Variants in NGB observed in about 807,000 individuals in gnomAD.
The protein encoded by NGB is neuroglobin, also known as nitrite reductase.
NGB carries 12 observed loss-of-function variants against 17.3 expected under a neutral mutation model. The ratio of observed to expected loss-of-function variants is 0.69; its 90% CI spans 0.45 to 1.13. NGB has a LOEUF of 1.13. Among genes scored for constraint, NGB ranks in the 50% most tolerant of loss-of-function variants. The pLI is 0.00. For missense variants in NGB, 195 were observed against 191.7 expected (o/e 1.02, Z -0.10); for synonymous variants, 87 against 81.0 (o/e 1.07, Z -0.40).
rs1047740388 is a variant in NGB, at chr14:77,270,056, G to C, written c.90-730C>G. Among the ~76,000 whole-genome samples the C allele has an allele frequency of 2.2e-4, 34 of 151,916 alleles. 1 individual carries two copies. Among genetic ancestry groups the C allele is most frequent in the Admixed American group, 2.2e-3 (33 of 15,236 alleles). ...CAGAGGCCCTCCTCGGCATTTGGGAGGTCTCACCGGGTAACTGAATGTTTT... is the reference window on the plus strand; with the variant it reads ...CAGAGGCCCTCCTCGGCATTTGGGACGTCTCACCGGGTAACTGAATGTTTT... On this transcript the variant is annotated intron_variant, in intron 1 of 3. Coordinates refer to ENST00000298352, the MANE Select transcript of NGB (RefSeq NM_021257.4).
intron 3 of NGB, among the ~76,000 whole-genome samples, chr14:77,268,061 C>A (rs1333334198): frequency 1.3e-5 from 2 of 152,160 alleles, no homozygotes; most frequent in Admixed American, 1.3e-4. Context: ...GACATTCTAG[C>A]CTCAGTTGAG....
In NGB at chr14:77,266,431, G is replaced by A; in HGVS notation, c.*105C>T. ...CCATCACCTCTCCAGTGTGGCCAAG[G>A]GGACAAGGACCAAGATGCAGGGAAG... On this transcript the variant is annotated 3_prime_UTR_variant, in exon 4 of 4. Transcript: ENST00000298352. 2 of 1,490,982 alleles carry A rather than the reference G, an allele frequency of 1.3e-6. No homozygotes were observed. Among genetic ancestry groups the A allele is most frequent in the South Asian group, 2.4e-5 (2 of 83,048 alleles). The allele number at this position is 1,490,982 out of a possible 1,614,324, so 92.4% of individuals were successfully genotyped here.
chr14:77,270,861 A>G lies in NGB; in HGVS notation c.77T>C (p.Val26Ala). Residue 26 changes from valine (V) to alanine (A), a missense_variant, in exon 1 of 4, where the codon GTC becomes GCC. Physicochemically the swap from Val to Ala is moderately conservative, Grantham distance 64 (BLOSUM62 0). Transcript: ENST00000298352. Reference sequence around the variant, plus strand: ...GTGTAGCCCTCACCTGGCAAACAGGACGGTGCCGTGCTCCAGCGGGCTGCG... The same window carrying G: ...GTGTAGCCCTCACCTGGCAAACAGGGCGGTGCCGTGCTCCAGCGGGCTGCG... ...VSRSPLEHGT[V>A]LFARLFALEP... 1 of 1,585,460 alleles carries G rather than the reference A, an allele frequency of 6.3e-7. No homozygotes were observed. The highest frequency in any genetic ancestry group is 8.5e-7 in the Non-Finnish European group (1 of 1,172,142).
chr14:77,270,588 G>A (rs1382896269), intron 1 of NGB, among the ~76,000 whole-genome samples: 1 of 152,224 alleles, frequency 6.6e-6, no homozygotes, highest in African/African-American at 2.4e-5. Context: ...ATCCGCGGGA[G>A]GGGATCCCGC....
chr14:77,269,438 C>G, intron 1 of NGB, 112 bp from the exon 2 acceptor site: 1 of 659,212 alleles, frequency 1.5e-6, no homozygotes, highest in Non-Finnish European at 2.7e-6. Flanking sequence ...GTCTCAGCTG[C>G]AAACCACAGC....
intron 1 of NGB, among the ~76,000 whole-genome samples, chr14:77,270,067 G>C: frequency 6.6e-6 from 1 of 151,964 alleles, no homozygotes; most frequent in Non-Finnish European, 1.5e-5. Flanking sequence ...GTCTCACCGG[G>C]TAACTGAATG....
Position 77,271,036 on chromosome 14 carries a change from GC to G in NGB, c.-100del. 2 of 865,694 alleles carry G rather than the reference GC, an allele frequency of 2.3e-6. No homozygotes were observed. Among genetic ancestry groups the G allele is most frequent in the Non-Finnish European group, 3.3e-6 (2 of 602,508 alleles). 53.6% of individuals were successfully genotyped at this position (865,694 alleles called of 1,614,324 possible). ...TCTCCTCCGCGACGCGGTCCCCTCC[GC>G]CCCTCGTACGCCCCCCGTGCCTCCG... On this transcript the variant is annotated 5_prime_UTR_variant, in exon 1 of 4. Coordinates refer to ENST00000298352, the MANE Select transcript of NGB (RefSeq NM_021257.4).
At chr14:77,267,510 C>A (rs984269693) in intron 3 of NGB, among the ~76,000 whole-genome samples, 4 of 152,104 alleles carry the variant, frequency 2.6e-5, no homozygotes, top group Admixed American at 1.3e-4. Context: ...CACTGTACTC[C>A]AGCCTAGGCG....
At chr14:77,270,744 C>G in intron 1 of NGB, 105 bp downstream of exon 1, 1 of 1,055,910 alleles carries the variant, frequency 9.5e-7, no homozygotes, top group Non-Finnish European at 1.4e-6. Context: ...CCCAGCGCCC[C>G]GGCAGCGGCC....
intron 1 of NGB, among the ~76,000 whole-genome samples, chr14:77,269,695 T>C (rs1271516454): frequency 4.9e-3 from 6 of 1,218 alleles, no homozygotes; most frequent in African/African-American, 0.011. Context: ...TCTCTCTCTC[T>C]CTCTCTCTCT....
intron 3 of NGB, among the ~76,000 whole-genome samples, chr14:77,266,919 C>A (rs535753802): frequency 1.1e-4 from 16 of 152,336 alleles, no homozygotes; most frequent in Non-Finnish European, 1.9e-4. Context: ...TTGCAACCAC[C>A]CCATGAGTGG....
chr14:77,270,096 G>A (rs78383795), intron 1 of NGB, among the ~76,000 whole-genome samples: 2 of 152,006 alleles, frequency 1.3e-5, no homozygotes, highest in African/African-American at 2.4e-5. Context: ...TTTTGTCTTG[G>A]GGGTGGTTTT....
chr14:77,268,733 C>G, intron 2 of NGB, 148 bp from the exon 3 acceptor site: 2 of 1,085,346 alleles, frequency 1.8e-6, no homozygotes, highest in Non-Finnish European at 1.3e-6. Context: ...CAGCCTGTGT[C>G]TACTACATGT....
At chr14:77,267,361 G>A (rs1342175996) in intron 3 of NGB, among the ~76,000 whole-genome samples, 2 of 152,038 alleles carry the variant, frequency 1.3e-5, no homozygotes, top group Non-Finnish European at 2.9e-5. Flanking sequence ...GTAAACATGG[G>A]AAAACTCCAT....
chr14:77,270,867 CCGTGCTCCAG>C lies in NGB; in HGVS notation c.61_70del (p.Leu21AlafsTer45). ...CCCTCACCTGGCAAACAGGACGGTG[CCGTGCTCCAG>C]CGGGCTGCGGCTCACTGCCCGCCAG... On this transcript the variant is annotated frameshift_variant, in exon 1 of 4. Transcript: ENST00000298352. LOFTEE classifies it high-confidence loss of function. 5 of 1,585,934 alleles carry C rather than the reference CCGTGCTCCAG, an allele frequency of 3.2e-6. No individual in the cohort carries two copies. Among genetic ancestry groups the C allele is most frequent in the Non-Finnish European group, 3.4e-6 (4 of 1,172,484 alleles).
intron 1 of NGB, 116 bp from the exon 2 acceptor site, chr14:77,269,442 C>T (rs545568776): frequency 4.7e-6 from 3 of 644,510 alleles, no homozygotes; most frequent in South Asian, 1.8e-5. Context: ...CAGCTGCAAA[C>T]CACAGCTGAC....
chr14:77,270,720 C>T, intron 1 of NGB, 129 bp downstream of exon 1: 1 of 817,812 alleles, frequency 1.2e-6, no homozygotes. Flanking sequence ...CTCTGGCGCA[C>T]ATCTGGCAGG....
rs1215148221 is a variant in NGB, at chr14:77,266,720, C to T, written c.322-50G>A. 4 of 1,596,240 alleles carry T rather than the reference C, an allele frequency of 2.5e-6. No homozygotes were observed. In the African/African-American group the frequency reaches 5.4e-5, roughly 21 times the overall value. ...CACTTCCAAAGGCAGAAAGGCACTG[C>T]TCCATTCCACAGGTGAGAAAACTGA... On this transcript the variant is annotated intron_variant, in intron 3 of 3. Transcript: ENST00000298352.
rs111765077 is a variant in NGB at position 77,271,038 on chromosome 14, C to G, written c.-101G>C. ...TCCTCCGCGACGCGGTCCCCTCCGC[C>G]CCTCGTACGCCCCCCGTGCCTCCGC... On this transcript the variant is annotated 5_prime_UTR_variant, in exon 1 of 4. Coordinates refer to ENST00000298352, the MANE Select transcript of NGB (RefSeq NM_021257.4). The G allele has an allele frequency of 2.5e-6, 2 of 811,718 alleles. No individual in the cohort carries two copies. The highest frequency in any genetic ancestry group is 3.6e-6 in the Non-Finnish European group (2 of 555,902). The allele number at this position is 811,718 out of a possible 1,614,324, so 50.3% of individuals were successfully genotyped here.
Sources: gnomAD v4.1 joint callset for allele counts (sites outside exome capture counted in the v4.1 genomes callset) on GRCh38, gnomAD v4.1.1 for gene constraint, MANE v1.5 for transcripts, NCBI Gene and HGNC (gene_info 2026-07-23, HGNC 2026-07-21) for gene names.